Variants in HADHA observed in about 807,000 individuals in gnomAD.
The protein encoded by HADHA is hydroxyacyl-CoA dehydrogenase trifunctional multienzyme complex subunit alpha, also known as trifunctional enzyme subunit alpha, mitochondrial.
A neutral mutation model predicts 91.3 loss-of-function variants in HADHA; 59 were observed. The ratio of observed to expected loss-of-function variants is 0.65; its 90% CI spans 0.52 to 0.80. The LOEUF is 0.80. HADHA is among the 30% of genes least tolerant of loss of function. The probability of loss-of-function intolerance (pLI) is 0.00; values close to 1 mark genes in which losing one functional copy is unlikely to be tolerated. For synonymous variants in HADHA, 320 were observed against 338.9 expected (o/e 0.94, Z 0.61); for missense variants, 800 against 927.6 (o/e 0.86, Z 1.79).
At chr2:26,240,428 T>C (rs1309800475) in intron 1 of HADHA, among the ~76,000 whole-genome samples, 1 of 151,930 alleles carries the variant, frequency 6.6e-6, no homozygotes, top group Non-Finnish European at 1.5e-5. Flanking sequence ...AAAGTGAAAA[T>C]AGGCCTGGCA....
intron 6 of HADHA, 103 bp from the exon 7 acceptor site, chr2:26,230,397 C>T (rs913491294): frequency 2.6e-6 from 2 of 777,726 alleles, no homozygotes; most frequent in African/African-American, 3.4e-5. Context: ...TGAGAAAAGT[C>T]AAGCCATATG....
rs770874291 is a variant in HADHA at position 26,209,880 on chromosome 2, C to G, written c.985G>C (p.Glu329Gln). The G allele has an allele frequency of 1.2e-5, 18 of 1,556,988 alleles. No individual in the cohort carries two copies. In the South Asian group the frequency reaches 1.7e-4, roughly 14 times the overall value. ...GYLCESQKFGELVMTKESKAL... is the reference protein window; with the variant it reads ...GYLCESQKFGQLVMTKESKAL... Reference sequence around the variant, plus strand: ...TTTGATTCTTTGGTCATTACAAGCTCTCCAAATTTCTGAAAAGTAAAGGGG... The same window carrying G: ...TTTGATTCTTTGGTCATTACAAGCTGTCCAAATTTCTGAAAAGTAAAGGGG... Residue 329 changes from glutamate (E) to glutamine (Q), a missense_variant, in exon 11 of 20, where the codon GAG (glutamate) becomes CAG (glutamine). Glu to Gln is a conservative substitution (Grantham distance 29, BLOSUM62 2). Coordinates refer to ENST00000380649, the MANE Select transcript of HADHA (RefSeq NM_000182.5).
In HADHA at chr2:26,238,194, C is replaced by T. The variant is rs568768489; in HGVS notation, c.180+740G>A. On this transcript the variant is annotated intron_variant, in intron 3 of 19. Coordinates refer to ENST00000380649, the MANE Select transcript of HADHA (RefSeq NM_000182.5). ...AACTATTTTTTATTTTTTATAGAGA[C>T]AAGGTCTTGCTATGTTGCCCAGGGT... Among the ~76,000 whole-genome samples, 57 of 152,228 alleles carry T rather than the reference C, an allele frequency of 3.7e-4. No homozygotes were observed. In the South Asian group the frequency reaches 9.5e-3, roughly 25 times the overall value.
chr2:26,194,174 C>CT (rs1669593731), intron 16 of HADHA, among the ~76,000 whole-genome samples: 2 of 152,314 alleles, frequency 1.3e-5, no homozygotes, highest in African/African-American at 4.8e-5. Context: ...GAGGATCCCT[C>CT]TCCTTTCCTG....
chr2:26,203,162 T>A (rs1235462572), intron 12 of HADHA, among the ~76,000 whole-genome samples: 1 of 152,256 alleles, frequency 6.6e-6, no homozygotes, highest in Admixed American at 6.5e-5. Context: ...CTTACAATAA[T>A]CTGCCAACAC....
intron 13 of HADHA, 130 bp from the exon 14 acceptor site, chr2:26,197,907 C>A: frequency 1.4e-6 from 1 of 722,808 alleles, no homozygotes; most frequent in South Asian, 1.4e-5. Context: ...CAGTAGATGT[C>A]ACTCACCCAG....
intron 15 of HADHA, 43 bp from the exon 16 acceptor site, chr2:26,194,681 G>A: frequency 8.0e-7 from 1 of 1,254,810 alleles, no homozygotes; most frequent in Non-Finnish European, 1.2e-6. Context: ...CTGCTGCTGG[G>A]ACTGAGTCTG....
intron 16 of HADHA, 130 bp downstream of exon 16, chr2:26,194,440 A>G (rs878877669): frequency 1.4e-6 from 1 of 733,212 alleles, no homozygotes; most frequent in South Asian, 1.5e-5. Context: ...AGAGGGCACC[A>G]GGGACCTTCC....
At chr2:26,243,599 A>G (rs748303687) in intron 1 of HADHA, among the ~76,000 whole-genome samples, 1 of 152,234 alleles carries the variant, frequency 6.6e-6, no homozygotes, top group African/African-American at 2.4e-5. Flanking sequence ...TAAAAAAAGC[A>G]TACTACTTCA....
chr2:26,202,782 C>T (rs978506168), intron 12 of HADHA, among the ~76,000 whole-genome samples: 1 of 152,156 alleles, frequency 6.6e-6, no homozygotes, highest in Non-Finnish European at 1.5e-5. Flanking sequence ...AGTATGGGCT[C>T]AAAGCTTTTG....
chr2:26,238,830 C>T (rs779606393), intron 3 of HADHA, 104 bp downstream of exon 3: 2 of 807,302 alleles, frequency 2.5e-6, no homozygotes, highest in Non-Finnish European at 4.4e-6. Flanking sequence ...TGTAAGATTA[C>T]TGCCAGATTG....
intron 4 of HADHA, chr2:26,235,378 T>G (rs1307470169): frequency 1.3e-5 from 2 of 152,218 alleles, no homozygotes; most frequent in African/African-American, 4.8e-5. Context: ...AATTTCAGTT[T>G]GTTTCATTTG....
intron 16 of HADHA, among the ~76,000 whole-genome samples, chr2:26,194,227 G>A (rs887275235): frequency 1.1e-4 from 17 of 152,090 alleles, no homozygotes; most frequent in Non-Finnish European, 2.4e-4. Flanking sequence ...TGTGTGCTGT[G>A]GAAACAGATG....
intron 11 of HADHA, among the ~76,000 whole-genome samples, chr2:26,205,423 T>C (rs562335474): frequency 6.6e-6 from 1 of 152,164 alleles, no homozygotes; most frequent in Non-Finnish European, 1.5e-5. Flanking sequence ...AATATTTATA[T>C]GGTGAGTGAT....
In HADHA at chr2:26,232,194, G is replaced by A. The variant is rs1574624062; in HGVS notation, c.539C>T (p.Pro180Leu). The A allele has an allele frequency of 6.2e-7, 1 of 1,610,150 alleles. No individual in the cohort carries two copies. Among genetic ancestry groups the A allele is most frequent in the African/African-American group, 1.3e-5 (1 of 74,926 alleles). Residue 180 changes from proline (P) to leucine (L), a missense_variant, in exon 6 of 20, where the codon CCA becomes CTA. Physicochemically the swap from Pro to Leu is moderately conservative, Grantham distance 98. Coordinates refer to ENST00000380649, the MANE Select transcript of HADHA (RefSeq NM_000182.5). ...CAGCCTTTGTGTGCCTCCTGCTCCT[G>A]GTAAGGCCCCCAGCAAAACTTCAGG... is the stretch of plus-strand genomic sequence containing the variant. ...GTPEVLLGALPGAGGTQRLPK... is the reference protein window; with the variant it reads ...GTPEVLLGALLGAGGTQRLPK...
rs751737307 is a variant in HADHA at position 26,230,310 on chromosome 2, G to C, written c.574-16C>G. ...GCACACCCACCTAACAGGCAAGCAAGGATGAGAATATAGGGGGAAAAAAAT... is the reference window on the plus strand; with the variant it reads ...GCACACCCACCTAACAGGCAAGCAACGATGAGAATATAGGGGGAAAAAAAT... On this transcript the variant is annotated splice_polypyrimidine_tract_variant and intron_variant, in intron 6 of 19. Transcript: ENST00000380649. 6.7e-7 allele frequency: 1 copy of C among 1,493,710 alleles called. No homozygotes were observed. The highest frequency in any genetic ancestry group is 9.3e-7 in the Non-Finnish European group (1 of 1,070,446). The allele number at this position is 1,493,710 out of a possible 1,614,324, so 92.5% of individuals were successfully genotyped here.
intron 18 of HADHA, 63 bp downstream of exon 18, chr2:26,192,247 T>G: frequency 2.4e-6 from 2 of 844,476 alleles, no homozygotes. Flanking sequence ...GAAGAGGGGC[T>G]GGGAAGCTTT....
In HADHA at chr2:26,201,245, C is replaced by A; in HGVS notation, c.1296G>T (p.Gln432His). The A allele has an allele frequency of 6.2e-7, 1 of 1,612,120 alleles. No individual in the cohort carries two copies. Among genetic ancestry groups the A allele is most frequent in the Non-Finnish European group, 8.5e-7 (1 of 1,178,162 alleles). Residue 432 changes from glutamine to histidine, a missense_variant, in exon 13 of 20, where the codon CAG becomes CAT. Coordinates refer to ENST00000380649, the MANE Select transcript of HADHA (RefSeq NM_000182.5). ...RDSIFSNLTG[Q>H]LDYQGFEKAD... ...CCTTTTCAAAACCTTGGTAATCAAG[C>A]TGCCCAGTCAAGTTGCTGAAGATGG... is the stretch of plus-strand genomic sequence containing the variant.
At chr2:26,194,007 A>G (rs1286798067) in intron 16 of HADHA, among the ~76,000 whole-genome samples, 1 of 152,230 alleles carries the variant, frequency 6.6e-6, no homozygotes. Context: ...AGAGATGACT[A>G]AATTCTTCAT....
Sources: allele counts gnomAD v4.1 joint callset (sites outside exome capture counted in the v4.1 genomes callset), GRCh38; gene constraint gnomAD v4.1.1; transcripts MANE v1.5; gene names NCBI Gene and HGNC (gene_info 2026-07-23, HGNC 2026-07-21).